RLIM: variants seen among roughly 807,000 people sequenced by gnomAD.
RLIM encodes the protein ring finger protein, LIM domain interacting.
A neutral mutation model predicts 34.0 loss-of-function variants in RLIM; 2 were observed. The ratio of observed to expected loss-of-function variants is 0.06; its 90% CI spans 0.02 to 0.19. The LOEUF (loss-of-function observed/expected upper bound fraction) is 0.19, where lower values mean the gene tolerates loss of function less well. Ranked by LOEUF, RLIM falls within the 10% of genes least tolerant of loss-of-function variation. The pLI, the probability that RLIM is intolerant of heterozygous loss-of-function variation, is 1.00. For synonymous variants in RLIM, 169 were observed against 164.0 expected (o/e 1.03, Z -0.23); for missense variants, 286 against 479.7 (o/e 0.60, Z 3.77).
chrX:74,612,079 G>A lies in RLIM; in HGVS notation c.-24+2343C>T, dbSNP rs2819594. Among the ~76,000 whole-genome samples, 847 of 111,358 alleles carry A rather than the reference G, an allele frequency of 7.6e-3. 12 individuals carry two copies. Among genetic ancestry groups the A allele is most frequent in the African/African-American group, 0.026 (810 of 30,659 alleles). ...TAAATTATGTGGTTACCCTAATGAT[G>A]ATGATAATAATAATGAAAGGAGTCA... On this transcript the variant is annotated intron_variant, in intron 1 of 3. Transcript: ENST00000332687.
intron 1 of RLIM, among the ~76,000 whole-genome samples, chrX:74,606,070 G>T (rs2079680974): frequency 8.9e-6 from 1 of 112,028 alleles, no homozygotes; most frequent in Admixed American, 9.5e-5. Flanking sequence ...CAATCTATGA[G>T]CTTTTTATAC....
chrX:74,614,143 C>T (rs1340763476), intron 1 of RLIM, among the ~76,000 whole-genome samples: 1 of 110,034 alleles, frequency 9.1e-6, no homozygotes, highest in Non-Finnish European at 1.9e-5. Flanking sequence ...TCCTAAGGCT[C>T]CGGAGGGCCT....
intron 1 of RLIM, among the ~76,000 whole-genome samples, chrX:74,607,604 G>A (rs2079688115): frequency 8.9e-6 from 1 of 112,934 alleles, no homozygotes; most frequent in African/African-American, 3.2e-5. Flanking sequence ...AGCTACTCAG[G>A]AGGCTGAGGT....
chrX:74,604,262 C>T (rs1430287474), intron 1 of RLIM, among the ~76,000 whole-genome samples: 2 of 111,244 alleles, frequency 1.8e-5, no homozygotes, highest in Non-Finnish European at 3.8e-5. Context: ...GAATGTAGTT[C>T]AGCAAAACAA....
rs1931310109 is a variant in RLIM, at chrX:74,584,942, TGACA to T, written c.*6494_*6497del. ...CTGAGAAACCGAGTTATGATGCCAATGACAGATAGCTCTGCAGGCACCAGAGGAA... is the reference window on the plus strand; with the variant it reads ...CTGAGAAACCGAGTTATGATGCCAATGATAGCTCTGCAGGCACCAGAGGAA... On this transcript the variant is annotated 3_prime_UTR_variant, in exon 4 of 4. Transcript: ENST00000332687. 8.9e-6 allele frequency among the ~76,000 whole-genome samples: 1 copy of T among 112,024 alleles called. No individual in the cohort carries two copies. The highest frequency in any genetic ancestry group is 3.2e-5 in the African/African-American group (1 of 30,792).
chrX:74,610,619 C>T (rs1027347883), intron 1 of RLIM, among the ~76,000 whole-genome samples: 3 of 110,654 alleles, frequency 2.7e-5, no homozygotes, highest in Non-Finnish European at 3.8e-5. Context: ...TGGCCAGTCG[C>T]GGTGGCTCAC....
In RLIM at chrX:74,592,484, C is replaced by A. The variant is rs1296413552; in HGVS notation, c.831G>T (p.Gly277=). 1.7e-6 allele frequency: 2 copies of A among 1,210,145 alleles called. No homozygotes were observed. The highest frequency in any genetic ancestry group is 2.2e-5 in the Admixed American group (1 of 45,733). Residue 277 remains glycine, a synonymous_variant, in exon 4 of 4, where the codon GGG becomes GGT. Transcript: ENST00000332687. ...AAAGACCTCTACTTAGCAACTCAGG[C>A]CCAGATATTTGCTGCCTCAATGTCA... ...HHVTLRQQIS[G]PELLSRGLFA...
rs1265727523 is a variant in RLIM, at chrX:74,583,003, A to AT, written c.*8436dup. 5.9e-5 allele frequency: 32 copies of AT among 542,524 alleles called. No individual in the cohort carries two copies. The highest frequency in any genetic ancestry group is 8.0e-5 in the Non-Finnish European group (27 of 336,209). The allele number at this position is 542,524 out of a possible 1,213,427, so 44.7% of individuals were successfully genotyped here. A position where few individuals can be genotyped will look rare whatever the true frequency, so the allele number is the denominator to read the frequency against. On this transcript the variant is annotated 3_prime_UTR_variant, in exon 4 of 4. Transcript: ENST00000332687. ...CAGTTTCCTTCTTTTATATTTTGAT[A>AT]TTTTTTTCCATATTTAAGTTTTTCG...
intron 1 of RLIM, among the ~76,000 whole-genome samples, chrX:74,598,850 A>G (rs1159568159): frequency 9.0e-6 from 1 of 111,324 alleles, no homozygotes; most frequent in Non-Finnish European, 1.9e-5. Flanking sequence ...ACACTTGTGG[A>G]TTGCTTAAGA....
chrX:74,596,846 T>TA (rs1209439652), intron 1 of RLIM, among the ~76,000 whole-genome samples: 5 of 110,436 alleles, frequency 4.5e-5, no homozygotes, highest in Non-Finnish European at 7.6e-5. Context: ...CACTGGACAT[T>TA]AAAAAAAACT....
intron 1 of RLIM, among the ~76,000 whole-genome samples, chrX:74,603,302 G>A (rs1329773823): frequency 2.8e-5 from 3 of 108,505 alleles, no homozygotes; most frequent in African/African-American, 6.7e-5. Flanking sequence ...CTTTACCACC[G>A]TCACAATGTA....
intron 1 of RLIM, among the ~76,000 whole-genome samples, chrX:74,597,969 C>A (rs772883773): frequency 2.7e-5 from 3 of 112,110 alleles, no homozygotes; most frequent in African/African-American, 9.7e-5. Context: ...GTGTTTCCTG[C>A]AGACTTGATA....
At chrX:74,613,985 T>C (rs1186830092) in intron 1 of RLIM, among the ~76,000 whole-genome samples, 2 of 110,204 alleles carry the variant, frequency 1.8e-5, no homozygotes, top group African/African-American at 6.6e-5. Flanking sequence ...GGCAGCCTGA[T>C]TTTTTACTTC....
intron 1 of RLIM, among the ~76,000 whole-genome samples, chrX:74,601,138 G>C (rs747147085): frequency 1.8e-5 from 2 of 112,040 alleles, no homozygotes; most frequent in Non-Finnish European, 3.8e-5. Context: ...GTCTTGTACT[G>C]AGTATGGAGG....
intron 1 of RLIM, among the ~76,000 whole-genome samples, chrX:74,613,215 T>C (rs766907772): frequency 1.4e-4 from 16 of 111,145 alleles, no homozygotes; most frequent in Non-Finnish European, 2.5e-4. Flanking sequence ...TCACGAAGAA[T>C]GAAAGAAATG....
chrX:74,593,707 C>T (rs777281271), intron 3 of RLIM, among the ~76,000 whole-genome samples: 5 of 112,430 alleles, frequency 4.4e-5, no homozygotes, highest in African/African-American at 6.5e-5. Context: ...AAATTATTAT[C>T]GTAGCCTCTC....
At position 74,590,149 on chromosome X, in the gene RLIM, A is replaced by ATG. The variant is rs1491317087; in HGVS notation, c.*1289_*1290dup. On this transcript the variant is annotated 3_prime_UTR_variant, in exon 4 of 4. Transcript: ENST00000332687. ...TCGAGACTTTCCTATTAACACACAC[A>ATG]TGTGTACCAACTGCAATTCATATGC... The ATG allele has an allele frequency of 9.8e-5, 11 of 112,040 alleles. No individual in the cohort carries two copies. Among genetic ancestry groups the ATG allele is most frequent in the African/African-American group, 3.6e-4 (11 of 30,854 alleles). 9.2% of individuals were successfully genotyped at this position (112,040 alleles called of 1,213,427 possible).
At position 74,586,488 on chromosome X, in the gene RLIM, T is replaced by C. The variant is rs2079587585; in HGVS notation, c.*4952A>G. On this transcript the variant is annotated 3_prime_UTR_variant, in exon 4 of 4. Transcript: ENST00000332687. ...ATAAAAATAAATAATTTTTAGAATGTTGGAGGGTATGCCTATTTCCTTCAG... is the reference window on the plus strand; with the variant it reads ...ATAAAAATAAATAATTTTTAGAATGCTGGAGGGTATGCCTATTTCCTTCAG... The C allele has an allele frequency of 8.9e-6, 1 of 112,293 alleles. No individual in the cohort carries two copies. Among genetic ancestry groups the C allele is most frequent in the Non-Finnish European group, 1.9e-5 (1 of 53,300 alleles). 9.3% of individuals were successfully genotyped at this position (112,293 alleles called of 1,213,427 possible). A position where few individuals can be genotyped will look rare whatever the true frequency, so the allele number is the denominator to read the frequency against.
intron 1 of RLIM, among the ~76,000 whole-genome samples, chrX:74,610,354 T>C (rs770926248): frequency 1.8e-5 from 2 of 108,301 alleles, no homozygotes; most frequent in South Asian, 7.8e-4. Context: ...GAGGCGGAGG[T>C]TGCAGTGAGC....
Sources: gnomAD v4.1 joint callset for allele counts (sites outside exome capture counted in the v4.1 genomes callset) on GRCh38, gnomAD v4.1.1 for gene constraint, MANE v1.5 for transcripts, NCBI Gene and HGNC (gene_info 2026-07-23, HGNC 2026-07-21) for gene names.